Variants in NTM observed in about 807,000 individuals in gnomAD.
NTM encodes neurotrimin, also known as IgLON family member 2.
Under a neutral mutation model 42.1 loss-of-function variants are expected in NTM, and 13 were observed. The ratio of observed to expected loss-of-function variants is 0.31; its 90% CI spans 0.20 to 0.49. The LOEUF (loss-of-function observed/expected upper bound fraction) is 0.49, where lower values mean the gene tolerates loss of function less well. NTM is among the 20% of genes least tolerant of loss of function. NTM has a pLI of 0.99. For synonymous variants in NTM, 187 were observed against 179.2 expected, an observed-to-expected ratio of 1.04 and a Z score of -0.35; for missense variants, 373 against 452.8, an observed-to-expected ratio of 0.82 and a Z score of 1.60.
chr11:131,430,861 C>A (rs1348590829), intron 1 of NTM, among the ~76,000 whole-genome samples: 1 of 152,246 alleles, frequency 6.6e-6, no homozygotes, highest in African/African-American at 2.4e-5. Flanking sequence ...AATGCTCTCT[C>A]CTGGCAGCGT....
intron 1 of NTM, among the ~76,000 whole-genome samples, chr11:131,508,488 G>T (rs1231545422): frequency 1.7e-4 from 24 of 137,146 alleles, no homozygotes; most frequent in African/African-American, 6.0e-4. Context: ...GATTCCTCAG[G>T]GATCTAGAAC....
chr11:131,506,958 T>C (rs537562417), intron 1 of NTM, among the ~76,000 whole-genome samples: 39 of 151,994 alleles, frequency 2.6e-4, no homozygotes, highest in African/African-American at 9.4e-4. Flanking sequence ...CAGGGTATTG[T>C]TCCCAAAGAC....
At chr11:132,117,693 C>T (rs117556584) in intron 2 of NTM, among the ~76,000 whole-genome samples, 1 of 152,316 alleles carries the variant, frequency 6.6e-6, no homozygotes, top group East Asian at 1.9e-4. Context: ...ATTGGATTTA[C>T]TCTCTGATGT....
intron 2 of NTM, among the ~76,000 whole-genome samples, chr11:132,022,791 A>C (rs563909894): frequency 6.6e-6 from 1 of 152,350 alleles, no homozygotes; most frequent in East Asian, 1.9e-4. Flanking sequence ...GAAAATGTGC[A>C]CTGTGGTCCT....
intron 1 of NTM, among the ~76,000 whole-genome samples, chr11:131,513,084 C>T (rs2048460178): frequency 6.6e-6 from 1 of 152,222 alleles, no homozygotes; most frequent in Non-Finnish European, 1.5e-5. Flanking sequence ...ATCCTCCTCA[C>T]ATTCTCCAGG....
intron 1 of NTM, among the ~76,000 whole-genome samples, chr11:131,598,221 G>A: frequency 6.6e-6 from 1 of 152,244 alleles, no homozygotes; most frequent in Admixed American, 6.5e-5. Flanking sequence ...TGCAAGAGAT[G>A]CCTCAAGGGA....
At chr11:132,087,666 A>G (rs968995179) in intron 2 of NTM, among the ~76,000 whole-genome samples, 3 of 152,206 alleles carry the variant, frequency 2.0e-5, no homozygotes, top group Admixed American at 6.5e-5. Flanking sequence ...TCCTGGTCTA[A>G]TAAGATGCTT....
At chr11:131,468,299 A>G (rs374495560) in intron 1 of NTM, among the ~76,000 whole-genome samples, 1 of 152,222 alleles carries the variant, frequency 6.6e-6, no homozygotes, top group African/African-American at 2.4e-5. Context: ...TCAGGACGTG[A>G]TTCCGCATGC....
chr11:131,856,994 T>A (rs77112950), intron 1 of NTM, among the ~76,000 whole-genome samples: 27 of 152,292 alleles, frequency 1.8e-4, no homozygotes, highest in Non-Finnish European at 3.4e-4. Flanking sequence ...CCCTTGATCC[T>A]TTTTTTACCT....
At chr11:131,411,720 C>T (rs1350804746) in intron 1 of NTM, among the ~76,000 whole-genome samples, 2 of 152,070 alleles carry the variant, frequency 1.3e-5, no homozygotes, top group Non-Finnish European at 2.9e-5. Flanking sequence ...CCCCACATCG[C>T]AGTTGTACGT....
At chr11:131,999,950 G>A (rs1203615270) in intron 2 of NTM, among the ~76,000 whole-genome samples, 1 of 151,814 alleles carries the variant, frequency 6.6e-6, no homozygotes, top group Non-Finnish European at 1.5e-5. Flanking sequence ...TCCCCTTCCT[G>A]CGTACTAGTG....
chr11:132,177,998 T>C (rs1412043072), intron 3 of NTM, among the ~76,000 whole-genome samples: 1 of 152,232 alleles, frequency 6.6e-6, no homozygotes, highest in African/African-American at 2.4e-5. Context: ...ACAAAAGAAA[T>C]GGAAAATTTT....
chr11:132,287,443 T>A (rs948307778), intron 4 of NTM, among the ~76,000 whole-genome samples: 2 of 152,146 alleles, frequency 1.3e-5, no homozygotes, highest in African/African-American at 2.4e-5. Context: ...TCAGGCTGGG[T>A]GTGCATGTGA....
intron 1 of NTM, among the ~76,000 whole-genome samples, chr11:131,910,615 G>A (rs1007970599): frequency 5.3e-5 from 8 of 150,648 alleles, no homozygotes; most frequent in Admixed American, 1.3e-4. Context: ...CGCGCGCGTC[G>A]GGGCTGCTCC....
intron 1 of NTM, among the ~76,000 whole-genome samples, chr11:131,522,179 C>T (rs2049832411): frequency 6.6e-6 from 1 of 152,072 alleles, no homozygotes; most frequent in South Asian, 2.1e-4. Flanking sequence ...CCCTCCCAGA[C>T]TTAGCATCCC....
intron 3 of NTM, among the ~76,000 whole-genome samples, chr11:132,151,067 G>A (rs2071791145): frequency 6.6e-6 from 1 of 152,072 alleles, no homozygotes; most frequent in Non-Finnish European, 1.5e-5. Context: ...TGACCTTAGG[G>A]TTTTTTGCCT....
At chr11:131,918,950 T>C (rs2056826676) in intron 2 of NTM, among the ~76,000 whole-genome samples, 1 of 152,180 alleles carries the variant, frequency 6.6e-6, no homozygotes, top group Admixed American at 6.5e-5. Context: ...TTGGACTTTC[T>C]CACCTGGAGT....
intron 3 of NTM, among the ~76,000 whole-genome samples, chr11:132,194,329 A>G (rs2079816270): frequency 1.3e-5 from 2 of 152,206 alleles, no homozygotes; most frequent in Non-Finnish European, 2.9e-5. Flanking sequence ...AAATCAACAA[A>G]TGTGTTTCAC....
At chr11:131,604,044 A>T (rs1160304074) in intron 1 of NTM, among the ~76,000 whole-genome samples, 1 of 152,192 alleles carries the variant, frequency 6.6e-6, no homozygotes, top group African/African-American at 2.4e-5. Context: ...TCTCTTTAGT[A>T]TTTGACTAGG....
Sources: allele counts gnomAD v4.1 joint callset (sites outside exome capture counted in the v4.1 genomes callset), GRCh38; gene constraint gnomAD v4.1.1; transcripts MANE v1.5; gene names NCBI Gene and HGNC (gene_info 2026-07-23, HGNC 2026-07-21).